The following EFCAB5 variants were observed in gnomAD, a reference collection of about 807,000 sequenced individuals.
The protein encoded by EFCAB5 is EF-hand calcium binding domain 5.
A neutral mutation model predicts 167.9 loss-of-function variants in EFCAB5; 131 were observed. That is an observed-to-expected ratio of 0.78 (90% CI 0.68 to 0.90). The LOEUF (loss-of-function observed/expected upper bound fraction) is 0.90, where lower values mean the gene tolerates loss of function less well. Ranked by LOEUF, EFCAB5 falls within the 40% of genes least tolerant of loss-of-function variation. The pLI is 0.00. For synonymous variants in EFCAB5, 574 were observed against 602.8 expected, an observed-to-expected ratio of 0.95 and a Z score of 0.70; for missense variants, 1,663 against 1,745.2, an observed-to-expected ratio of 0.95 and a Z score of 0.84.
At chr17:29,948,488 T>C (rs920491713) in intron 3 of EFCAB5, among the ~76,000 whole-genome samples, 2 of 152,210 alleles carry the variant, frequency 1.3e-5, no homozygotes, top group Non-Finnish European at 2.9e-5. Context: ...TCATTATTTA[T>C]GATTATTAAA....
chr17:29,992,264 A>G (rs1214981385), intron 4 of EFCAB5, among the ~76,000 whole-genome samples: 1 of 152,194 alleles, frequency 6.6e-6, no homozygotes, highest in Non-Finnish European at 1.5e-5. Flanking sequence ...TTCACTTAGC[A>G]TAATGTTCTC....
chr17:30,073,550 T>C (rs1237264281), intron 14 of EFCAB5: 7 of 596,786 alleles, frequency 1.2e-5, no homozygotes, highest in Admixed American at 1.1e-4. Context: ...AAGTAAATTA[T>C]AGAAATCAAT....
chr17:30,097,014 A>ATATACG (rs1261055709), intron 22 of EFCAB5, among the ~76,000 whole-genome samples: 3 of 117,670 alleles, frequency 2.5e-5, no homozygotes, highest in African/African-American at 8.0e-5. Flanking sequence ...ATACATATAC[A>ATATACG]TATACATATA....
intron 7 of EFCAB5, among the ~76,000 whole-genome samples, chr17:30,016,894 C>T (rs1375987217): frequency 1.3e-5 from 2 of 151,936 alleles, no homozygotes; most frequent in Non-Finnish European, 2.9e-5. Flanking sequence ...AATAGAATAA[C>T]AGCCAGCCAC....
At chr17:29,996,076 CA>C (rs544002209) in intron 5 of EFCAB5, among the ~76,000 whole-genome samples, 199 of 151,686 alleles carry the variant, frequency 1.3e-3, no homozygotes, top group Non-Finnish European at 1.3e-3. Flanking sequence ...TATTTTGGTG[CA>C]AAAAAAATTG....
At chr17:30,093,963 G>A (rs2071247938) in intron 22 of EFCAB5, among the ~76,000 whole-genome samples, 1 of 152,118 alleles carries the variant, frequency 6.6e-6, no homozygotes, top group South Asian at 2.1e-4. Flanking sequence ...TTCAGGCAGG[G>A]CAATCTGCTG....
chr17:30,088,655 G>A (rs2071135271), intron 19 of EFCAB5, among the ~76,000 whole-genome samples: 1 of 152,204 alleles, frequency 6.6e-6, no homozygotes, highest in African/African-American at 2.4e-5. Flanking sequence ...CTACTAAAAT[G>A]TGTACAAATG....
At chr17:30,030,586 G>A (rs758114649) in intron 7 of EFCAB5, among the ~76,000 whole-genome samples, 4 of 151,960 alleles carry the variant, frequency 2.6e-5, no homozygotes, top group South Asian at 2.1e-4. Context: ...CAGGTGATCC[G>A]CCCACCTCGG....
At chr17:30,035,584 C>G (rs1246190371) in intron 8 of EFCAB5, among the ~76,000 whole-genome samples, 1 of 152,132 alleles carries the variant, frequency 6.6e-6, no homozygotes, top group African/African-American at 2.4e-5. Context: ...CCCAAAGAAG[C>G]AGTTAGAGCC....
intron 3 of EFCAB5, among the ~76,000 whole-genome samples, chr17:29,952,776 C>T (rs967517451): frequency 1.3e-5 from 2 of 152,032 alleles, no homozygotes; most frequent in African/African-American, 4.8e-5. Flanking sequence ...CTCAAAGTAG[C>T]AGTCTATGGG....
At chr17:29,964,993 C>T (rs986307410) in intron 3 of EFCAB5, among the ~76,000 whole-genome samples, 1 of 151,766 alleles carries the variant, frequency 6.6e-6, no homozygotes. Flanking sequence ...GCTCTGCCTT[C>T]CGGGTTCACA....
intron 7 of EFCAB5, among the ~76,000 whole-genome samples, chr17:30,023,277 G>A (rs1206180324): frequency 6.6e-6 from 1 of 151,880 alleles, no homozygotes; most frequent in Non-Finnish European, 1.5e-5. Flanking sequence ...AATTGATAGA[G>A]CACTAGCAAG....
At chr17:30,011,754 A>G (rs1217419556) in intron 7 of EFCAB5, among the ~76,000 whole-genome samples, 8 of 152,204 alleles carry the variant, frequency 5.3e-5, no homozygotes, top group Non-Finnish European at 2.9e-5. Flanking sequence ...ATCTGCAAAC[A>G]GGGACTATTT....
At chr17:30,087,207 C>A in intron 19 of EFCAB5, 41 bp downstream of exon 19, 3 of 1,536,168 alleles carry the variant, frequency 2.0e-6, no homozygotes, top group Non-Finnish European at 2.7e-6. Flanking sequence ...TAGAACACAT[C>A]CTTCTGGTAC....
intron 22 of EFCAB5, among the ~76,000 whole-genome samples, chr17:30,097,035 TACATATACATATAC>T (rs1355076911): frequency 0.017 from 2,010 of 116,906 alleles, 41 homozygotes; most frequent in African/African-American, 0.047. Context: ...CATATACATA[TACATATACATATAC>T]ATATATATAT....
intron 7 of EFCAB5, among the ~76,000 whole-genome samples, chr17:30,022,449 A>G (rs997166248): frequency 5.9e-5 from 9 of 152,136 alleles, no homozygotes; most frequent in African/African-American, 2.2e-4. Context: ...ACACACATAT[A>G]ATTACAAAGC....
chr17:29,964,054 A>G (rs1373160558), intron 3 of EFCAB5, among the ~76,000 whole-genome samples: 1 of 146,260 alleles, frequency 6.8e-6, no homozygotes, highest in African/African-American at 2.5e-5. Context: ...GCACTGTTTC[A>G]CACACAGCCT....
chr17:30,011,561 G>A (rs571748985), intron 7 of EFCAB5, among the ~76,000 whole-genome samples: 53 of 152,224 alleles, frequency 3.5e-4, no homozygotes, highest in African/African-American at 1.2e-3. Context: ...TATTCTCTTT[G>A]TAGCAATTGT....
At chr17:30,069,677 C>T in intron 14 of EFCAB5, 1 of 1,441,712 alleles carries the variant, frequency 6.9e-7, no homozygotes, top group East Asian at 2.4e-5. Flanking sequence ...CATGGGCGCT[C>T]ACAGGCTGTG....
Sources: allele counts gnomAD v4.1 joint callset (sites outside exome capture counted in the v4.1 genomes callset), GRCh38; gene constraint gnomAD v4.1.1; transcripts MANE v1.5; gene names NCBI Gene and HGNC (gene_info 2026-07-23, HGNC 2026-07-21).